SEMA3C: variants seen among roughly 807,000 people sequenced by gnomAD.
SEMA3C encodes the protein semaphorin-3C.
Under a neutral mutation model 89.4 loss-of-function variants are expected in SEMA3C, and 47 were observed. That is an observed-to-expected ratio of 0.53 (90% CI 0.42 to 0.67). The LOEUF is 0.67. Among genes scored for constraint, SEMA3C ranks in the 30% least tolerant of loss-of-function variants. The pLI is 0.00. For missense variants in SEMA3C, 839 were observed against 929.1 expected (o/e 0.90, Z 1.26); for synonymous variants, 310 against 320.2 (o/e 0.97, Z 0.34).
chr7:80,911,726 C>T (rs12538462), intron 2 of SEMA3C, among the ~76,000 whole-genome samples: 83,589 of 151,364 alleles, frequency 0.55, 25,539 homozygotes, highest in South Asian at 0.7. Context: ...CTCTGCCTCC[C>T]GAGTTTATGC....
intron 5 of SEMA3C, among the ~76,000 whole-genome samples, chr7:80,816,831 T>C (rs1231953312): frequency 6.6e-6 from 1 of 152,204 alleles, no homozygotes; most frequent in Non-Finnish European, 1.5e-5. Flanking sequence ...TCCATGCTGG[T>C]TTTCCAAAGG....
At chr7:80,870,511 C>G (rs1365880311) in intron 2 of SEMA3C, among the ~76,000 whole-genome samples, 1 of 152,194 alleles carries the variant, frequency 6.6e-6, no homozygotes, top group Non-Finnish European at 1.5e-5. Flanking sequence ...TGAAACTAGC[C>G]TCCTATGCTA....
Position 80,776,274 on chromosome 7 carries a change from CA to C in SEMA3C, c.1355-11032del, listed in dbSNP as rs796559281. The stretch of plus-strand genomic sequence containing the variant: ...CCCTACAATACTGCCAAGTAAATTA[CA>C]AAAAAAAAAAAAAGAAAGAAAATAA... On this transcript the variant is annotated intron_variant, in intron 12 of 17. Coordinates refer to ENST00000265361, the MANE Select transcript of SEMA3C (RefSeq NM_006379.5). Among the ~76,000 whole-genome samples the C allele has an allele frequency of 8.5e-3, 996 of 116,706 alleles. 2 individuals are homozygous for C. Among genetic ancestry groups the C allele is most frequent in the Middle Eastern group, 0.019 (4 of 208 alleles). 76.6% of individuals were successfully genotyped at this position (116,706 alleles called of 152,430 possible). A position where few individuals can be genotyped will look rare whatever the true frequency, so the allele number is the denominator to read the frequency against.
Position 80,789,361 on chromosome 7 carries a change from A to G in SEMA3C, c.1299T>C (p.Ala433=), listed in dbSNP as rs1450033667. The change falls in exon 12 of 18, where the codon GCT becomes GCC. Residue 433 remains alanine, a synonymous_variant. Coordinates refer to ENST00000265361, the MANE Select transcript of SEMA3C (RefSeq NM_006379.5). The part of the protein sequence containing the change: ...IGTDYKYTKI[A]VDRVNAADGR... ...CATCAGCAGCGTTCACTCGATCCACAGCTATCTTTGTATACTTGTAGTCAG... is the reference window on the plus strand; with the variant it reads ...CATCAGCAGCGTTCACTCGATCCACGGCTATCTTTGTATACTTGTAGTCAG... 1 of 1,614,072 alleles carries G rather than the reference A, an allele frequency of 6.2e-7. No homozygotes were observed.
At chr7:80,770,328 T>C (rs536885167) in intron 12 of SEMA3C, among the ~76,000 whole-genome samples, 1 of 152,318 alleles carries the variant, frequency 6.6e-6, no homozygotes, top group East Asian at 1.9e-4. Flanking sequence ...AATATACTTA[T>C]CAAATGTTTT....
rs1261746441 is a variant in SEMA3C at position 80,798,245 on chromosome 7, G to A, written c.987-9C>T. On this transcript the variant is annotated splice_polypyrimidine_tract_variant and intron_variant, in intron 10 of 17. Transcript: ENST00000265361. The stretch of plus-strand genomic sequence containing the variant: ...ATCCTTTGAAAACTGAGCTAAAAAA[G>A]AAAACAGAAAAAGGCATTTTCAAAT... 4.3e-6 allele frequency: 6 copies of A among 1,406,902 alleles called. No homozygotes were observed. Among genetic ancestry groups the A allele is most frequent in the South Asian group, 3.6e-5 (2 of 56,290 alleles). 87.2% of individuals were successfully genotyped at this position (1,406,902 alleles called of 1,614,324 possible).
At chr7:80,851,607 C>T (rs1378493664) in intron 2 of SEMA3C, among the ~76,000 whole-genome samples, 2 of 146,882 alleles carry the variant, frequency 1.4e-5, no homozygotes, top group Non-Finnish European at 3.0e-5. Flanking sequence ...CAGAGTATGA[C>T]TGACAATACT....
At chr7:80,860,412 T>C (rs557516463) in intron 2 of SEMA3C, among the ~76,000 whole-genome samples, 6 of 152,280 alleles carry the variant, frequency 3.9e-5, no homozygotes, top group African/African-American at 1.4e-4. Context: ...TGCAGCACCA[T>C]CATATTTCCA....
chr7:80,751,465 G>C (rs1458886271), intron 15 of SEMA3C, 129 bp from the exon 16 acceptor site: 2 of 720,788 alleles, frequency 2.8e-6, no homozygotes, highest in Non-Finnish European at 4.8e-6. Context: ...TTTAAAAAGA[G>C]TTCTGATTGA....
rs1788883222 is a variant in SEMA3C at position 80,789,442 on chromosome 7, G to A, written c.1218C>T (p.Leu406=). Residue 406 remains leucine (L), a synonymous_variant, in exon 12 of 18, where the codon CTC becomes CTT. Transcript: ENST00000265361. ...DVVTFIRNHP[L]MYNSIYPIHK... is the part of the protein sequence containing the mutation. ...GGATTGGGTAGATGGAATTGTACAT[G>A]AGAGGATGGTTCCGAATAAAAGTGA... The A allele has an allele frequency of 1.9e-6, 3 of 1,614,082 alleles. No individual in the cohort carries two copies. The highest frequency in any genetic ancestry group is 2.5e-6 in the Non-Finnish European group (3 of 1,179,962).
At chr7:80,754,117 A>G (rs1259410105) in intron 15 of SEMA3C, among the ~76,000 whole-genome samples, 1 of 152,098 alleles carries the variant, frequency 6.6e-6, no homozygotes, top group Non-Finnish European at 1.5e-5. Flanking sequence ...TTGTATTTTT[A>G]GTAGAGACGG....
rs752238220 is a variant in SEMA3C, at chr7:80,804,706, G to A, written c.659-458C>T. 1.6e-4 allele frequency among the ~76,000 whole-genome samples: 25 copies of A among 152,082 alleles called. No homozygotes were observed. The East Asian group carries it at 3.7e-3, about 22-fold the overall frequency. On this transcript the variant is annotated intron_variant, in intron 7 of 17. Coordinates refer to ENST00000265361, the MANE Select transcript of SEMA3C (RefSeq NM_006379.5). ...GGGAAACTTTTCAAGGAAAAACAGC[G>A]TCATTAGTCATTTGGAGACATACAG...
intron 17 of SEMA3C, among the ~76,000 whole-genome samples, chr7:80,747,460 A>G (rs1249320935): frequency 6.6e-6 from 1 of 152,154 alleles, no homozygotes; most frequent in African/African-American, 2.4e-5. Context: ...TTACTTACCC[A>G]ATTCACATAT....
intron 5 of SEMA3C, among the ~76,000 whole-genome samples, chr7:80,811,113 G>GC (rs1375915160): frequency 6.6e-6 from 1 of 152,196 alleles, no homozygotes; most frequent in African/African-American, 2.4e-5. Context: ...TTTAAAAATA[G>GC]CATTTTATGT....
chr7:80,822,213 T>C (rs1789765249), intron 4 of SEMA3C, among the ~76,000 whole-genome samples: 1 of 152,068 alleles, frequency 6.6e-6, no homozygotes. Context: ...CTGTGGTAGA[T>C]ACTGCAATAG....
intron 2 of SEMA3C, among the ~76,000 whole-genome samples, chr7:80,831,240 A>G (rs1166164011): frequency 6.6e-6 from 1 of 152,146 alleles, no homozygotes; most frequent in Non-Finnish European, 1.5e-5. Context: ...TGGCTCTACC[A>G]TTTCACTTCT....
At chr7:80,777,200 T>C (rs147680532) in intron 12 of SEMA3C, among the ~76,000 whole-genome samples, 57 of 152,306 alleles carry the variant, frequency 3.7e-4, no homozygotes, top group African/African-American at 1.3e-3. Context: ...TGATAAGTGA[T>C]AGAGGGCAGG....
intron 2 of SEMA3C, among the ~76,000 whole-genome samples, chr7:80,855,147 A>G (rs180724563): frequency 1.3e-4 from 20 of 152,324 alleles, no homozygotes; most frequent in African/African-American, 4.8e-4. Context: ...TGAAAAGACT[A>G]TAAGTTATTA....
intron 11 of SEMA3C, 42 bp from the exon 12 acceptor site, chr7:80,789,570 G>T: frequency 1.4e-6 from 2 of 1,381,884 alleles, no homozygotes; most frequent in Middle Eastern, 1.9e-4. Context: ...TAAAATAGTT[G>T]TCTTGTTCTA....
Sources: gnomAD v4.1 joint callset for allele counts (sites outside exome capture counted in the v4.1 genomes callset) on GRCh38, gnomAD v4.1.1 for gene constraint, MANE v1.5 for transcripts, NCBI Gene and HGNC (gene_info 2026-07-23, HGNC 2026-07-21) for gene names.